FOXP2: variants seen among roughly 807,000 people sequenced by gnomAD.
FOXP2 encodes the protein forkhead box P2, also known as forkhead box protein P2.
In FOXP2, 12 loss-of-function variants were observed where a neutral mutation model predicts 115.8. That is an observed-to-expected ratio of 0.10 (90% CI 0.07 to 0.17). The LOEUF (loss-of-function observed/expected upper bound fraction) is 0.17. Ranked by LOEUF, FOXP2 falls within the 10% of genes least tolerant of loss-of-function variation. FOXP2 has a pLI of 1.00. For synonymous variants in FOXP2, 328 were observed against 297.7 expected (o/e 1.10, Z -1.05); for missense variants, 629 against 843.5 (o/e 0.75, Z 3.15).
chr7:114,289,886 A>G (rs1796550973), intron 2 of FOXP2, among the ~76,000 whole-genome samples: 1 of 151,964 alleles, frequency 6.6e-6, no homozygotes, highest in African/African-American at 2.4e-5. Context: ...TTGTAAATGT[A>G]TAGAATTTTG....
At chr7:114,650,341 C>T (rs1806177776) in intron 8 of FOXP2, among the ~76,000 whole-genome samples, 1 of 151,854 alleles carries the variant, frequency 6.6e-6, no homozygotes, top group South Asian at 2.1e-4. Context: ...ACCCTAATCT[C>T]AGTGTATAAC....
chr7:114,143,521 C>T (rs1017317798), intron 1 of FOXP2, among the ~76,000 whole-genome samples: 10 of 152,142 alleles, frequency 6.6e-5, no homozygotes, highest in Admixed American at 1.3e-4. Context: ...GTTACAATTT[C>T]AATACAGATT....
chr7:114,116,182 C>A (rs185926125), intron 1 of FOXP2, among the ~76,000 whole-genome samples: 156 of 152,268 alleles, frequency 1.0e-3, no homozygotes, highest in Admixed American at 1.8e-3. Context: ...GCAGGATAAA[C>A]CTCATGGTCC....
intron 2 of FOXP2, among the ~76,000 whole-genome samples, chr7:114,367,761 C>T (rs915651909): frequency 1.3e-5 from 2 of 152,166 alleles, no homozygotes; most frequent in African/African-American, 4.8e-5. Flanking sequence ...CTAAAGCTAG[C>T]ATTTCCAGTC....
chr7:114,664,656 C>G (rs1807069720), intron 16 of FOXP2: 2 of 565,176 alleles, frequency 3.5e-6, no homozygotes, highest in South Asian at 2.0e-5. Flanking sequence ...TTCCAGCAGT[C>G]CTCTACAGAT....
chr7:114,487,096 C>G (rs1207897134), intron 2 of FOXP2, among the ~76,000 whole-genome samples: 2 of 152,196 alleles, frequency 1.3e-5, no homozygotes, highest in East Asian at 3.9e-4. Context: ...AGCAGAGGTT[C>G]TCCATGAGGA....
chr7:114,511,216 G>A (rs181040099), intron 2 of FOXP2, among the ~76,000 whole-genome samples: 2 of 151,998 alleles, frequency 1.3e-5, no homozygotes, highest in African/African-American at 2.4e-5. Flanking sequence ...GGGGTGGGGG[G>A]CTAGGGGAGG....
At chr7:114,299,196 G>A (rs1334675166) in intron 2 of FOXP2, among the ~76,000 whole-genome samples, 1 of 152,090 alleles carries the variant, frequency 6.6e-6, no homozygotes, top group Non-Finnish European at 1.5e-5. Context: ...GCTTTTGTGA[G>A]TAAAAAGGAT....
chr7:114,234,077 G>C (rs114748862), intron 1 of FOXP2, among the ~76,000 whole-genome samples: 1 of 152,098 alleles, frequency 6.6e-6, no homozygotes, highest in Non-Finnish European at 1.5e-5. Flanking sequence ...TTGAGATTAC[G>C]TGTGTTTTTC....
rs1805766229 is a variant in FOXP2 at position 114,644,594 on chromosome 7, T to C, written c.990-91T>C. 8.7e-5 allele frequency: 92 copies of C among 1,054,414 alleles called. 1 individual carries two copies. In the South Asian group the frequency reaches 1.1e-3, roughly 13 times the overall value. The allele number at this position is 1,054,414 out of a possible 1,614,324, so 65.3% of individuals were successfully genotyped here. ...AGCTGAATTGACCTGTTTTGACCTG[T>C]TTGTCACTGATCGTAACCTGACAGG... On this transcript the variant is annotated intron_variant, in intron 7 of 16. Coordinates refer to ENST00000350908, the MANE Select transcript of FOXP2 (RefSeq NM_014491.4).
chr7:114,286,636 A>T (rs922286705), intron 1 of FOXP2, among the ~76,000 whole-genome samples: 1 of 152,064 alleles, frequency 6.6e-6, no homozygotes, highest in African/African-American at 2.4e-5. Context: ...TGTTAAGAGA[A>T]ATGTGGACAA....
At chr7:114,674,461 A>G (rs1488180324) in intron 16 of FOXP2, among the ~76,000 whole-genome samples, 1 of 152,240 alleles carries the variant, frequency 6.6e-6, no homozygotes, top group Non-Finnish European at 1.5e-5. Context: ...TTATTTCTGT[A>G]GAACTGAAGT....
chr7:114,563,273 T>C (rs1800843600), intron 3 of FOXP2, among the ~76,000 whole-genome samples: 1 of 152,216 alleles, frequency 6.6e-6, no homozygotes, highest in Admixed American at 6.5e-5. Flanking sequence ...TGAATATGAC[T>C]GACCACTTCA....
intron 9 of FOXP2, chr7:114,653,393 A>G: frequency 6.2e-6 from 1 of 160,162 alleles, no homozygotes; most frequent in Non-Finnish European, 1.4e-5. Context: ...GTAGATGCCG[A>G]CTCCGTGGCA....
intron 1 of FOXP2, among the ~76,000 whole-genome samples, chr7:114,236,449 C>T (rs1195337184): frequency 6.6e-6 from 1 of 152,138 alleles, no homozygotes; most frequent in African/African-American, 2.4e-5. Context: ...ATGCTGGTAT[C>T]TATTTAGTGT....
chr7:114,191,855 A>G (rs1793768896), intron 1 of FOXP2, among the ~76,000 whole-genome samples: 1 of 152,126 alleles, frequency 6.6e-6, no homozygotes, highest in Non-Finnish European at 1.5e-5. Context: ...ACGATGTCAT[A>G]TATCCACCAT....
At chr7:114,296,788 A>G (rs1226354921) in intron 2 of FOXP2, among the ~76,000 whole-genome samples, 1 of 152,202 alleles carries the variant, frequency 6.6e-6, no homozygotes, top group Non-Finnish European at 1.5e-5. Context: ...GTAAACATTT[A>G]TAGAGGACAG....
chr7:114,607,135 C>T (rs1803375664), intron 3 of FOXP2, among the ~76,000 whole-genome samples: 2 of 152,186 alleles, frequency 1.3e-5, no homozygotes, highest in Admixed American at 1.3e-4. Context: ...TATAACTGGG[C>T]TAGTATCTGT....
At chr7:114,597,687 A>G (rs981013151) in intron 3 of FOXP2, among the ~76,000 whole-genome samples, 43 of 152,110 alleles carry the variant, frequency 2.8e-4, no homozygotes, top group African/African-American at 9.4e-4. Context: ...TCCCCAAACC[A>G]TGTACCTAAG....
Sources: allele counts gnomAD v4.1 joint callset (sites outside exome capture counted in the v4.1 genomes callset), GRCh38; gene constraint gnomAD v4.1.1; transcripts MANE v1.5; gene names NCBI Gene and HGNC (gene_info 2026-07-23, HGNC 2026-07-21).